Variants in SP4 observed in about 807,000 individuals in gnomAD.
SP4 encodes transcription factor Sp4.
SP4 carries 19 observed loss-of-function variants against 72.8 expected under a neutral mutation model. The observed-to-expected ratio is 0.26, with a 90% confidence interval of 0.18 to 0.38. SP4 has a LOEUF of 0.38. Among genes scored for constraint, SP4 ranks in the 10% least tolerant of loss-of-function variants. The probability of loss-of-function intolerance (pLI) is 1.00; values close to 1 mark genes in which losing one functional copy is unlikely to be tolerated. For synonymous variants in SP4, 395 were observed against 333.1 expected (o/e 1.19, Z -2.02); for missense variants, 1,008 against 926.3 (o/e 1.09, Z -1.14).
At chr7:21,502,097 C>A (rs1438512610) in intron 5 of SP4, among the ~76,000 whole-genome samples, 1 of 123,752 alleles carries the variant, frequency 8.1e-6, no homozygotes, top group African/African-American at 3.1e-5. Flanking sequence ...TCAAAAGATA[C>A]GTCAAATCTC....
chr7:21,512,431 G>A lies in SP4; in HGVS notation c.*1162G>A, dbSNP rs1159513834. ...ATAACTGAATTTTCCCTAAAAATTA[G>A]CCTAATATATAATAGATATATTATG... On this transcript the variant is annotated 3_prime_UTR_variant, in exon 6 of 6. Coordinates refer to ENST00000222584, the MANE Select transcript of SP4 (RefSeq NM_003112.5). The A allele has an allele frequency of 1.3e-5, 2 of 152,200 alleles. No individual in the cohort carries two copies. The highest frequency in any genetic ancestry group is 1.9e-4 in the East Asian group (1 of 5,180). The allele number at this position is 152,200 out of a possible 1,614,324, so 9.4% of individuals were successfully genotyped here.
At chr7:21,446,896 T>C (rs1401839679) in intron 3 of SP4, among the ~76,000 whole-genome samples, 1 of 152,096 alleles carries the variant, frequency 6.6e-6, no homozygotes, top group Non-Finnish European at 1.5e-5. Context: ...AAATCTAATA[T>C]TGACTCTAAC....
intron 4 of SP4, among the ~76,000 whole-genome samples, chr7:21,480,223 T>C (rs1382177677): frequency 6.6e-6 from 1 of 152,214 alleles, no homozygotes; most frequent in Non-Finnish European, 1.5e-5. Context: ...TGTGGTTTTC[T>C]TTTTGTATTG....
intron 5 of SP4, among the ~76,000 whole-genome samples, chr7:21,489,695 G>T (rs1031642825): frequency 1.3e-5 from 2 of 151,746 alleles, no homozygotes; most frequent in South Asian, 4.2e-4. Context: ...GAGTAGCTGG[G>T]ACTACAGGCG....
At chr7:21,508,480 C>T (rs1361476380) in intron 5 of SP4, among the ~76,000 whole-genome samples, 1 of 152,190 alleles carries the variant, frequency 6.6e-6, no homozygotes, top group East Asian at 1.9e-4. Flanking sequence ...GCGTGCATCA[C>T]CACGCCCAGC....
At chr7:21,431,628 A>G (rs1167971638) in intron 3 of SP4, among the ~76,000 whole-genome samples, 1 of 152,192 alleles carries the variant, frequency 6.6e-6, no homozygotes, top group African/African-American at 2.4e-5. Context: ...AGCAGTTGTT[A>G]TTTGTTATGC....
At chr7:21,461,893 C>G (rs1016947902) in intron 3 of SP4, among the ~76,000 whole-genome samples, 1 of 152,150 alleles carries the variant, frequency 6.6e-6, no homozygotes, top group Non-Finnish European at 1.5e-5. Flanking sequence ...AAATGAAGTT[C>G]ACAAGGTTGG....
At chr7:21,462,063 CTG>C (rs1181804006) in intron 3 of SP4, among the ~76,000 whole-genome samples, 2 of 140,110 alleles carry the variant, frequency 1.4e-5, no homozygotes, top group Non-Finnish European at 3.0e-5. Flanking sequence ...GGATCTCACT[CTG>C]TTACCCAGGC....
At chr7:21,433,005 C>T (rs1474121887) in intron 3 of SP4, among the ~76,000 whole-genome samples, 1 of 152,302 alleles carries the variant, frequency 6.6e-6, no homozygotes, top group East Asian at 1.9e-4. Context: ...AACAAACAAA[C>T]TCACTGAAGT....
At chr7:21,491,009 A>G (rs1033925493) in intron 5 of SP4, among the ~76,000 whole-genome samples, 5 of 152,212 alleles carry the variant, frequency 3.3e-5, no homozygotes, top group African/African-American at 1.2e-4. Context: ...TCCGGGATAC[A>G]GTCCAAAATT....
At chr7:21,503,014 CGA>C (rs1781908219) in intron 5 of SP4, among the ~76,000 whole-genome samples, 1 of 151,858 alleles carries the variant, frequency 6.6e-6, no homozygotes, top group African/African-American at 2.4e-5. Flanking sequence ...TCCCTTGACT[CGA>C]GTATAGTGAG....
chr7:21,454,869 ATCTTT>A, intron 3 of SP4, among the ~76,000 whole-genome samples: 1 of 152,290 alleles, frequency 6.6e-6, no homozygotes. Flanking sequence ...AAGGGTGTGA[ATCTTT>A]TCTTTTTAGG....
intron 3 of SP4, among the ~76,000 whole-genome samples, chr7:21,467,461 A>G (rs1001341356): frequency 6.6e-6 from 1 of 152,158 alleles, no homozygotes; most frequent in African/African-American, 2.4e-5. Flanking sequence ...ATCTAGTTTT[A>G]GAACATTTAT....
Position 21,512,197 on chromosome 7 carries a change from T to C in SP4, c.*928T>C, listed in dbSNP as rs567721542. The C allele has an allele frequency of 1.3e-5, 2 of 152,772 alleles. No homozygotes were observed. Among genetic ancestry groups the C allele is most frequent in the East Asian group, 1.9e-4 (1 of 5,188 alleles). The allele number at this position is 152,772 out of a possible 1,614,324, so 9.5% of individuals were successfully genotyped here. A position where few individuals can be genotyped will look rare whatever the true frequency, so the allele number is the denominator to read the frequency against. ...TTTCATATTTTGTAAATATGAGTTATGTTGACAATGTGCAGAATTCTTTAT... is the reference window on the plus strand; with the variant it reads ...TTTCATATTTTGTAAATATGAGTTACGTTGACAATGTGCAGAATTCTTTAT... On this transcript the variant is annotated 3_prime_UTR_variant, in exon 6 of 6. Coordinates refer to ENST00000222584, the MANE Select transcript of SP4 (RefSeq NM_003112.5).
intron 5 of SP4, among the ~76,000 whole-genome samples, chr7:21,497,048 G>A (rs1781727501): frequency 6.6e-6 from 1 of 152,176 alleles, no homozygotes; most frequent in Non-Finnish European, 1.5e-5. Context: ...AAGCCTTTTG[G>A]TTAGTCTATT....
chr7:21,450,293 C>A (rs572637932), intron 3 of SP4, among the ~76,000 whole-genome samples: 37 of 151,852 alleles, frequency 2.4e-4, no homozygotes, highest in African/African-American at 7.8e-4. Context: ...CTAGGGATAT[C>A]AATAATTTAT....
At chr7:21,450,655 A>G (rs1483415398) in intron 3 of SP4, among the ~76,000 whole-genome samples, 1 of 152,224 alleles carries the variant, frequency 6.6e-6, no homozygotes, top group Non-Finnish European at 1.5e-5. Flanking sequence ...ATTCTTAATA[A>G]TGCAAGTGCT....
Position 21,461,152 on chromosome 7 carries a change from A to G in SP4, c.1679-15927A>G, listed in dbSNP as rs538403979. ...GGCTTCACCCAGTGGATTTCGCACC[A>G]GGGCTGCAGGTGGAGCTGCCTGCCA... On this transcript the variant is annotated intron_variant, in intron 3 of 5. Coordinates refer to ENST00000222584, the MANE Select transcript of SP4 (RefSeq NM_003112.5). Among the ~76,000 whole-genome samples the G allele has an allele frequency of 1.2e-4, 18 of 152,340 alleles. No homozygotes were observed. In the East Asian group the frequency reaches 3.3e-3, roughly 28 times the overall value.
chr7:21,484,584 T>C (rs1477852498), intron 5 of SP4, among the ~76,000 whole-genome samples: 1 of 151,902 alleles, frequency 6.6e-6, no homozygotes, highest in African/African-American at 2.4e-5. Flanking sequence ...ACCATTGACG[T>C]TGGCAAATAT....
Sources: gnomAD v4.1 joint callset for allele counts (sites outside exome capture counted in the v4.1 genomes callset) on GRCh38, gnomAD v4.1.1 for gene constraint, MANE v1.5 for transcripts, NCBI Gene and HGNC (gene_info 2026-07-23, HGNC 2026-07-21) for gene names.